EYS: variants seen among roughly 807,000 people sequenced by gnomAD.
EYS encodes the protein protein eyes shut homolog.
In EYS, 250 loss-of-function variants were observed where a neutral mutation model predicts 282.1. That is an observed-to-expected ratio of 0.89 (90% confidence interval 0.80 to 0.98). The LOEUF (loss-of-function observed/expected upper bound fraction) is 0.98. Among genes scored for constraint, EYS ranks in the 50% least tolerant of loss-of-function variants. EYS has a pLI of 0.00. For synonymous variants in EYS, 1,355 were observed against 1,282.9 expected (o/e 1.06, Z -1.20); for missense variants, 4,016 against 3,709.0 (o/e 1.08, Z -2.15).
At chr6:65,052,430 TGGGCATAGA>T (rs1773299026) in intron 13 of EYS, among the ~76,000 whole-genome samples, 1 of 151,638 alleles carries the variant, frequency 6.6e-6, no homozygotes, top group African/African-American at 2.4e-5. Context: ...TTGGAAGTGC[TGGGCATAGA>T]GGGCTTTTAA....
Position 64,609,140 on chromosome 6 carries a change from G to T in EYS, c.3684+8278C>A, listed in dbSNP as rs73437303. 1.7e-3 allele frequency among the ~76,000 whole-genome samples: 260 copies of T among 152,258 alleles called. 2 individuals carry two copies. Among genetic ancestry groups the T allele is most frequent in the African/African-American group, 6.1e-3 (252 of 41,558 alleles). On this transcript the variant is annotated intron_variant, in intron 24 of 42. Transcript: ENST00000503581. ...GTTGATAGTGAGGGAGCCTGTGCAT[G>T]TGTGTAGGGATGGGTATATGAGAAC...
intron 28 of EYS, among the ~76,000 whole-genome samples, chr6:64,394,229 G>A (rs937669545): frequency 2.6e-4 from 39 of 152,112 alleles, no homozygotes; most frequent in Non-Finnish European, 4.4e-4. Flanking sequence ...CAGATTCATT[G>A]CCATCCCCAT....
At chr6:64,441,269 T>C (rs767021633) in intron 26 of EYS, among the ~76,000 whole-genome samples, 1 of 152,166 alleles carries the variant, frequency 6.6e-6, no homozygotes, top group Non-Finnish European at 1.5e-5. Flanking sequence ...GCCAACACTA[T>C]TGACATCTCA....
intron 2 of EYS, among the ~76,000 whole-genome samples, chr6:65,555,388 A>C (rs1768758724): frequency 6.6e-6 from 1 of 152,098 alleles, no homozygotes; most frequent in Admixed American, 6.5e-5. Context: ...TATCTTTTAC[A>C]ATGCATATGA....
intron 12 of EYS, among the ~76,000 whole-genome samples, chr6:65,236,712 T>C (rs980094894): frequency 6.6e-6 from 1 of 152,170 alleles, no homozygotes; most frequent in African/African-American, 2.4e-5. Flanking sequence ...AGTGGTACAG[T>C]TTCTTTTACA....
chr6:63,940,925 C>A (rs1765217808), intron 35 of EYS, among the ~76,000 whole-genome samples: 1 of 149,550 alleles, frequency 6.7e-6, no homozygotes, highest in Non-Finnish European at 1.5e-5. Flanking sequence ...TGAGTGAGAA[C>A]ATGCAGTGTT....
chr6:65,107,318 A>G (rs1775068398), intron 12 of EYS, among the ~76,000 whole-genome samples: 1 of 150,664 alleles, frequency 6.6e-6, no homozygotes, highest in South Asian at 2.1e-4. Flanking sequence ...TTTAATGTAA[A>G]CACCTGGGAA....
intron 35 of EYS, among the ~76,000 whole-genome samples, chr6:63,890,048 A>C (rs429543): frequency 0.99 from 151,389 of 152,332 alleles, 75,233 homozygotes; most frequent in Middle Eastern, 1. Context: ...GGAAACAATG[A>C]AACAAGAAGA....
At chr6:64,001,430 C>T (rs1361682549) in intron 33 of EYS, among the ~76,000 whole-genome samples, 1 of 152,170 alleles carries the variant, frequency 6.6e-6, no homozygotes, top group Non-Finnish European at 1.5e-5. Flanking sequence ...ATTTTAAAAA[C>T]TGAAACTCAA....
At chr6:65,702,694 AAAATAAATAAATAAT>A (rs1321643333) in intron 1 of EYS, among the ~76,000 whole-genome samples, 8 of 152,028 alleles carry the variant, frequency 5.3e-5, no homozygotes, top group South Asian at 2.1e-4. Context: ...TCCACGTCAA[AAAATAAATAAATAAT>A]AAATAAATAA....
intron 30 of EYS, among the ~76,000 whole-genome samples, chr6:64,292,134 C>A (rs1768737541): frequency 6.6e-6 from 1 of 152,192 alleles, no homozygotes; most frequent in African/African-American, 2.4e-5. Flanking sequence ...ACTTTTAAAT[C>A]CTCTCCACAG....
intron 35 of EYS, among the ~76,000 whole-genome samples, chr6:63,951,263 C>T (rs1443963580): frequency 6.6e-6 from 1 of 152,146 alleles, no homozygotes; most frequent in Non-Finnish European, 1.5e-5. Flanking sequence ...TGCCACTTGA[C>T]CCCAATATAA....
chr6:65,357,695 A>G (rs955485212), intron 8 of EYS, among the ~76,000 whole-genome samples: 2 of 151,976 alleles, frequency 1.3e-5, no homozygotes, highest in African/African-American at 4.8e-5. Context: ...GAGTCTGCAA[A>G]GTATTCTCTT....
At chr6:64,808,302 G>T (rs912410450) in intron 22 of EYS, among the ~76,000 whole-genome samples, 1 of 152,032 alleles carries the variant, frequency 6.6e-6, no homozygotes, top group Admixed American at 6.6e-5. Context: ...CATTAAATTA[G>T]CATTTTATGG....
chr6:63,750,321 T>A (rs1208815427), intron 41 of EYS, among the ~76,000 whole-genome samples: 1 of 152,210 alleles, frequency 6.6e-6, no homozygotes, highest in Non-Finnish European at 1.5e-5. Context: ...TTTCTTTGTA[T>A]GCCTTGTAAT....
At chr6:64,813,786 G>C (rs1764669486) in intron 21 of EYS, among the ~76,000 whole-genome samples, 1 of 151,812 alleles carries the variant, frequency 6.6e-6, no homozygotes, top group South Asian at 2.1e-4. Flanking sequence ...TTTTATTGCT[G>C]ATTTACCAAG....
intron 22 of EYS, among the ~76,000 whole-genome samples, chr6:64,662,320 A>C (rs963049754): frequency 8.6e-5 from 13 of 152,034 alleles, no homozygotes; most frequent in Non-Finnish European, 1.8e-4. Context: ...CCAACATGGC[A>C]GATGTATACA....
intron 12 of EYS, among the ~76,000 whole-genome samples, chr6:65,209,638 T>C (rs1032147511): frequency 6.6e-6 from 1 of 151,924 alleles, no homozygotes; most frequent in Non-Finnish European, 1.5e-5. Flanking sequence ...ACATACATGT[T>C]TGTGGGGATG....
chr6:63,805,575 AT>A (rs1263406303), intron 37 of EYS, among the ~76,000 whole-genome samples: 1 of 152,088 alleles, frequency 6.6e-6, no homozygotes, highest in Non-Finnish European at 1.5e-5. Flanking sequence ...GCCTGTAGGA[AT>A]TTTTTCTTTT....
Sources: allele counts gnomAD v4.1 joint callset (sites outside exome capture counted in the v4.1 genomes callset), GRCh38; gene constraint gnomAD v4.1.1; transcripts MANE v1.5; gene names NCBI Gene and HGNC (gene_info 2026-07-23, HGNC 2026-07-21).